The following PAK3 variants were observed in gnomAD, a reference collection of about 807,000 sequenced individuals.
PAK3 encodes the protein p21 (RAC1) activated kinase 3.
A neutral mutation model predicts 41.0 loss-of-function variants in PAK3; 4 were observed. The ratio of observed to expected loss-of-function variants is 0.10; its 90% CI spans 0.05 to 0.22. The LOEUF is 0.22. Ranked by LOEUF, PAK3 falls within the 10% of genes least tolerant of loss-of-function variation. The probability of loss-of-function intolerance (pLI) is 1.00; values close to 1 mark genes in which losing one functional copy is unlikely to be tolerated. For missense variants in PAK3, 205 were observed against 409.9 expected (o/e 0.50, Z 4.32); for synonymous variants, 146 against 139.6 (o/e 1.05, Z -0.32).
Position 111,058,383 on chromosome X carries a change from G to A in PAK3, c.-27-64694G>A, listed in dbSNP as rs144433650. Among the ~76,000 whole-genome samples, 515 of 111,283 alleles carry A rather than the reference G, an allele frequency of 4.6e-3. 5 individuals carry two copies. Among genetic ancestry groups the A allele is most frequent in the African/African-American group, 0.016 (493 of 30,660 alleles). On this transcript the variant is annotated intron_variant, in intron 1 of 14. Transcript: ENST00000425146. ...TGTGTGTGTTAGAGCCATGTTAGTG[G>A]GCATGAGACGGTATCTTATTGTGGC...
chrX:110,984,604 G>A (rs1244677958), intron 1 of PAK3, among the ~76,000 whole-genome samples: 1 of 111,905 alleles, frequency 8.9e-6, no homozygotes, highest in African/African-American at 3.2e-5. Context: ...TCACAACACA[G>A]GCTGCTGCCC....
intron 1 of PAK3, among the ~76,000 whole-genome samples, chrX:111,021,626 C>T (rs2092184042): frequency 9.0e-6 from 1 of 110,811 alleles, no homozygotes; most frequent in African/African-American, 3.3e-5. Context: ...TTCTTTAACA[C>T]CCCCCAAAGA....
rs1024561993 is a variant in PAK3 at position 111,182,878 on chromosome X, A to G, written c.831-9249A>G. On this transcript the variant is annotated intron_variant, in intron 11 of 17. Transcript: ENST00000372007. ...CTTAATTGAGTCGGCAAACAGAACA[A>G]CAACTTGTGTGTGGTTATACCAAAG... Among the ~76,000 whole-genome samples the G allele has an allele frequency of 7.2e-5, 8 of 111,593 alleles. No individual in the cohort carries two copies. The East Asian group carries it at 2.3e-3, about 31-fold the overall frequency.
At chrX:111,080,214 A>G (rs2092822677) in intron 1 of PAK3, among the ~76,000 whole-genome samples, 1 of 111,878 alleles carries the variant, frequency 8.9e-6, no homozygotes, top group Non-Finnish European at 1.9e-5. Context: ...ATCTCATGCT[A>G]CAGAGAAATC....
intron 6 of PAK3, among the ~76,000 whole-genome samples, chrX:111,142,825 T>G (rs2093890783): frequency 1.8e-5 from 2 of 111,126 alleles, no homozygotes; most frequent in African/African-American, 6.5e-5. Flanking sequence ...TCTAGAGATG[T>G]CATGCAATCC....
chrX:111,006,563 TTAAAAAA>T (rs1282239632), intron 1 of PAK3, among the ~76,000 whole-genome samples: 1 of 111,814 alleles, frequency 8.9e-6, no homozygotes, highest in Non-Finnish European at 1.9e-5. Flanking sequence ...AAAATTCTTT[TTAAAAAA>T]TAAAAAATAA....
At chrX:111,035,628 C>A (rs1444822680) in intron 1 of PAK3, among the ~76,000 whole-genome samples, 1 of 111,993 alleles carries the variant, frequency 8.9e-6, no homozygotes, top group Non-Finnish European at 1.9e-5. Context: ...AAAGAAAATT[C>A]TTTAAAAATA....
chrX:110,996,648 A>C lies in PAK3; in HGVS notation c.-28+52020A>C, dbSNP rs764697974. ...GAGCCTGCTCTCTCTCTCTCTCTCT[A>C]TCTCTCTCTTTCCCCCACCACCCCA... On this transcript the variant is annotated intron_variant, in intron 1 of 14. Coordinates refer to the PAK3 transcript ENST00000425146. Among the ~76,000 whole-genome samples, 56 of 109,984 alleles carry C rather than the reference A, an allele frequency of 5.1e-4. No individual in the cohort carries two copies. In the South Asian group the frequency reaches 0.017, roughly 33 times the overall value.
chrX:111,170,687 GA>G lies in PAK3; in HGVS notation c.767-2329del, dbSNP rs749574092. 1.7e-3 allele frequency among the ~76,000 whole-genome samples: 190 copies of G among 111,424 alleles called. 1 individual carries two copies. The highest frequency in any genetic ancestry group is 5.7e-3 in the African/African-American group (176 of 30,729). On this transcript the variant is annotated intron_variant, in intron 10 of 17. Coordinates refer to ENST00000372007, the MANE Select transcript of PAK3 (RefSeq NM_002578.5). The stretch of plus-strand genomic sequence containing the variant: ...TGTAAGTCTCAGTGAAATGATCAGA[GA>G]AGACTTCATAAAGGTGGATAATTTG...
intron 1 of PAK3, among the ~76,000 whole-genome samples, chrX:111,069,024 C>G (rs897093106): frequency 3.6e-5 from 4 of 111,527 alleles, no homozygotes; most frequent in African/African-American, 1.3e-4. Flanking sequence ...GCCTCTATTT[C>G]CCAATCTAGA....
intron 11 of PAK3, among the ~76,000 whole-genome samples, chrX:111,182,649 C>T (rs2094472809): frequency 9.0e-6 from 1 of 110,721 alleles, no homozygotes; most frequent in Non-Finnish European, 1.9e-5. Flanking sequence ...CATCTCTCAA[C>T]AAAACAAGTA....
chrX:110,999,841 G>A (rs1477165322), intron 1 of PAK3, among the ~76,000 whole-genome samples: 1 of 110,543 alleles, frequency 9.0e-6, no homozygotes, highest in Admixed American at 9.6e-5. Context: ...AGGCATGTTG[G>A]CAGGCGCCTG....
intron 1 of PAK3, among the ~76,000 whole-genome samples, chrX:111,063,913 A>T (rs938800980): frequency 9.0e-5 from 10 of 111,489 alleles, no homozygotes; most frequent in African/African-American, 3.3e-4. Flanking sequence ...TAATCAATGG[A>T]TACCTCTACT....
In PAK3 at chrX:111,162,564, C is replaced by T. The variant is rs887959723; in HGVS notation, c.469-351C>T. Among the ~76,000 whole-genome samples the T allele has an allele frequency of 8.9e-5, 10 of 111,931 alleles. No homozygotes were observed. In the South Asian group the frequency reaches 1.9e-3, roughly 21 times the overall value. ...ATTGATAATCTGCCCAGTATAGATT[C>T]AAGGCTCTAAGAGCAATTAGTTTGA... On this transcript the variant is annotated intron_variant, in intron 8 of 17. Transcript: ENST00000372007.
chrX:111,050,941 G>A (rs2092551747), intron 1 of PAK3, among the ~76,000 whole-genome samples: 1 of 111,967 alleles, frequency 8.9e-6, no homozygotes, highest in African/African-American at 3.2e-5. Context: ...GACAGGGCAG[G>A]CAGGAGAGGA....
chrX:111,006,485 G>A (rs1408897848), intron 1 of PAK3, among the ~76,000 whole-genome samples: 1 of 111,772 alleles, frequency 8.9e-6, no homozygotes, highest in African/African-American at 3.2e-5. Flanking sequence ...TCTGGGTGAG[G>A]GGTATACAGG....
intron 1 of PAK3, among the ~76,000 whole-genome samples, chrX:110,959,130 T>C (rs756597226): frequency 8.9e-5 from 10 of 111,811 alleles, no homozygotes; most frequent in Non-Finnish European, 1.7e-4. Flanking sequence ...CACAGAAGAA[T>C]GGTCTCACGG....
At chrX:111,148,698 C>A (rs1452172275) in intron 7 of PAK3, among the ~76,000 whole-genome samples, 1 of 111,475 alleles carries the variant, frequency 9.0e-6, no homozygotes, top group African/African-American at 3.3e-5. Context: ...TGTTCATTAT[C>A]ATGAGAATAG....
At chrX:111,164,389 G>A (rs1395428556) in intron 10 of PAK3, among the ~76,000 whole-genome samples, 1 of 111,008 alleles carries the variant, frequency 9.0e-6, no homozygotes, top group African/African-American at 3.3e-5. Context: ...CTAACAAATT[G>A]CTAGATATCA....
Sources: allele counts gnomAD v4.1 joint callset (sites outside exome capture counted in the v4.1 genomes callset), GRCh38; gene constraint gnomAD v4.1.1; transcripts MANE v1.5; gene names NCBI Gene and HGNC (gene_info 2026-07-23, HGNC 2026-07-21).